LRRC69: variants seen among roughly 807,000 people sequenced by gnomAD.
The protein encoded by LRRC69 is leucine-rich repeat-containing protein 69.
LRRC69 carries 42 observed loss-of-function variants against 37.8 expected under a neutral mutation model. That is an observed-to-expected ratio of 1.11 (90% CI 0.87 to 1.44). The LOEUF is 1.44. Ranked by LOEUF, LRRC69 falls within the 40% of genes most tolerant of loss-of-function variation. The pLI is 0.00. For synonymous variants in LRRC69, 141 were observed against 143.1 expected, an observed-to-expected ratio of 0.99 and a Z score of 0.11; for missense variants, 357 against 401.9, an observed-to-expected ratio of 0.89 and a Z score of 0.96.
intron 7 of LRRC69, among the ~76,000 whole-genome samples, chr8:91,215,955 T>C (rs1009591120): frequency 1.3e-5 from 2 of 152,186 alleles, no homozygotes; most frequent in Admixed American, 1.3e-4. Flanking sequence ...GTTAAGGTGG[T>C]ACGAGAATTT....
Position 91,189,968 on chromosome 8 carries a change from G to A in LRRC69, c.753+345G>A, listed in dbSNP as rs557268692. ...TACCTCTTTCACTCCCTTTTTACTC[G>A]TCTCTATCCCTAGTGGATGAATGAA... On this transcript the variant is annotated intron_variant, in intron 6 of 7. Coordinates refer to ENST00000448384, the Ensembl canonical transcript of LRRC69. Among the ~76,000 whole-genome samples the A allele has an allele frequency of 1.4e-4, 22 of 152,056 alleles. No individual in the cohort carries two copies. In the South Asian group the frequency reaches 3.1e-3, roughly 22 times the overall value.
intron 5 of LRRC69, among the ~76,000 whole-genome samples, chr8:91,149,877 C>T (rs1808697676): frequency 6.6e-6 from 1 of 151,946 alleles, no homozygotes; most frequent in Non-Finnish European, 1.5e-5. Flanking sequence ...CATGATTTGG[C>T]TCTCTGTTTG....
At chr8:91,202,815 A>G (rs567083078) in intron 7 of LRRC69, among the ~76,000 whole-genome samples, 3 of 152,332 alleles carry the variant, frequency 2.0e-5, no homozygotes, top group South Asian at 2.1e-4. Flanking sequence ...CATTTTAACA[A>G]TATAACATCT....
intron 5 of LRRC69, among the ~76,000 whole-genome samples, chr8:91,172,813 A>G (rs1809156415): frequency 6.6e-6 from 1 of 152,012 alleles, no homozygotes; most frequent in South Asian, 2.1e-4. Context: ...GTTCCTGGCC[A>G]TAAACTCTTT....
intron 5 of LRRC69, among the ~76,000 whole-genome samples, chr8:91,144,069 A>G (rs1347204484): frequency 6.6e-6 from 1 of 151,956 alleles, no homozygotes; most frequent in Non-Finnish European, 1.5e-5. Flanking sequence ...ATTAAATGAG[A>G]TAATGTATAT....
At chr8:91,155,571 A>G (rs1586252342) in intron 5 of LRRC69, among the ~76,000 whole-genome samples, 2 of 150,830 alleles carry the variant, frequency 1.3e-5, no homozygotes, top group East Asian at 2.0e-4. Context: ...ATAGAATACT[A>G]GAACACTAGA....
At chr8:91,147,748 TGCA>T (rs879587382) in intron 5 of LRRC69, among the ~76,000 whole-genome samples, 7 of 151,988 alleles carry the variant, frequency 4.6e-5, no homozygotes, top group Non-Finnish European at 7.4e-5. Flanking sequence ...GTGCAGAATG[TGCA>T]GGTTTGTTAC....
At chr8:91,200,878 T>C in intron 7 of LRRC69, 86 bp downstream of exon 7, 1 of 1,268,150 alleles carries the variant, frequency 7.9e-7, no homozygotes, top group Non-Finnish European at 1.1e-6. Flanking sequence ...CTAACTAGAT[T>C]TGTACCTATG....
At chr8:91,163,592 T>C (rs956632011) in intron 5 of LRRC69, among the ~76,000 whole-genome samples, 6 of 151,506 alleles carry the variant, frequency 4.0e-5, no homozygotes, top group Non-Finnish European at 8.9e-5. Context: ...ATTTGCTTGC[T>C]TTTATATTGC....
At chr8:91,117,879 A>T (rs1157903367) in intron 1 of LRRC69, among the ~76,000 whole-genome samples, 1 of 151,854 alleles carries the variant, frequency 6.6e-6, no homozygotes, top group Non-Finnish European at 1.5e-5. Flanking sequence ...GGGTGCTCAC[A>T]AAAATTAGAG....
At chr8:91,127,196 G>A (rs559814628) in intron 3 of LRRC69, 36 bp downstream of exon 3, 43 of 1,461,882 alleles carry the variant, frequency 2.9e-5, no homozygotes, top group South Asian at 2.8e-4. Flanking sequence ...GTTAACAATC[G>A]TGCCCCTCCT....
rs75590131 is a variant in LRRC69, at chr8:91,163,718, A to G, written c.652-25804A>G. On this transcript the variant is annotated intron_variant, in intron 5 of 7. Transcript: ENST00000448384. ...CTATTATAGTTATATTTCCTTTTAAATTTTATCAGGTAGTTAAAATTATAT... is the reference window on the plus strand; with the variant it reads ...CTATTATAGTTATATTTCCTTTTAAGTTTTATCAGGTAGTTAAAATTATAT... Among the ~76,000 whole-genome samples the G allele has an allele frequency of 6.2e-3, 932 of 151,522 alleles. 8 individuals carry two copies. The highest frequency in any genetic ancestry group is 9.8e-3 in the Non-Finnish European group (666 of 67,758).
intron 5 of LRRC69, among the ~76,000 whole-genome samples, chr8:91,136,932 A>G (rs538111660): frequency 6.6e-6 from 1 of 152,124 alleles, no homozygotes. Context: ...GTATGTATAT[A>G]CCACATTTTG....
chr8:91,122,567 A>G (rs906826799), intron 1 of LRRC69, among the ~76,000 whole-genome samples: 6 of 151,984 alleles, frequency 3.9e-5, no homozygotes, highest in South Asian at 2.1e-4. Flanking sequence ...TATCTTTCCC[A>G]GGGGTCTCAT....
rs1266427683 is a variant in LRRC69 at position 91,140,779 on chromosome 8, A to G, written c.651+5040A>G. ...CGCCATTCTCCTGCCTCAGCCTCCC[A>G]AGTAGCTGGGACTACAGGCGCCCGC... On this transcript the variant is annotated intron_variant, in intron 5 of 7. Transcript: ENST00000448384. Among the ~76,000 whole-genome samples the G allele has an allele frequency of 5.0e-5, 3 of 60,012 alleles. 1 individual carries two copies. The East Asian group carries it at 1.2e-3, about 24-fold the overall frequency. 39.4% of individuals were successfully genotyped at this position (60,012 alleles called of 152,430 possible). A position where few individuals can be genotyped will look rare whatever the true frequency, so the allele number is the denominator to read the frequency against.
chr8:91,186,982 A>G (rs1809418391), intron 5 of LRRC69, among the ~76,000 whole-genome samples: 2 of 152,186 alleles, frequency 1.3e-5, no homozygotes, highest in African/African-American at 4.8e-5. Flanking sequence ...TGCCAATGGA[A>G]CTTCCAGTTG....
At chr8:91,133,013 A>G in intron 3 of LRRC69, 97 bp from the exon 4 acceptor site, 2 of 677,710 alleles carry the variant, frequency 3.0e-6, no homozygotes, top group East Asian at 3.1e-5. Context: ...GCTACAAAAA[A>G]TAAATTGACA....
chr8:91,197,150 A>C (rs200094567), intron 6 of LRRC69, among the ~76,000 whole-genome samples: 1 of 151,870 alleles, frequency 6.6e-6, no homozygotes, highest in African/African-American at 2.4e-5. Context: ...CAGTTAGGCT[A>C]CTCGGGGGTC....
chr8:91,157,305 T>C, intron 5 of LRRC69: 1 of 1,608,092 alleles, frequency 6.2e-7, no homozygotes, highest in Middle Eastern at 1.7e-4. Context: ...CAGCTTCCCA[T>C]GTGGCACCCA....
Sources: allele counts gnomAD v4.1 joint callset (sites outside exome capture counted in the v4.1 genomes callset), GRCh38; gene constraint gnomAD v4.1.1; transcripts MANE v1.5; gene names NCBI Gene and HGNC (gene_info 2026-07-23, HGNC 2026-07-21).